The following WWOX variants were observed in gnomAD, a reference collection of about 807,000 sequenced individuals.
The protein encoded by WWOX is WW domain-containing oxidoreductase.
A neutral mutation model predicts 46.2 loss-of-function variants in WWOX; 69 were observed. The observed-to-expected ratio is 1.49, with a 90% CI of 1.23 to 1.82. The LOEUF is 1.82. Ranked by LOEUF, WWOX falls within the 40% of genes most tolerant of loss-of-function variation. The pLI, the probability that WWOX is intolerant of heterozygous loss-of-function variation, is 0.00. For missense variants in WWOX, 919 were observed against 542.6 expected, an observed-to-expected ratio of 1.69 and a Z score of -6.89; for synonymous variants, 359 against 202.6, an observed-to-expected ratio of 1.77 and a Z score of -6.56.
chr16:78,226,884 A>G (rs1301241633), intron 5 of WWOX, among the ~76,000 whole-genome samples: 2 of 152,180 alleles, frequency 1.3e-5, no homozygotes, highest in African/African-American at 4.8e-5. Context: ...GCTTCCAGTA[A>G]ATGCACCCCT....
At chr16:78,210,798 T>C (rs572911927) in intron 5 of WWOX, among the ~76,000 whole-genome samples, 1 of 152,342 alleles carries the variant, frequency 6.6e-6, no homozygotes, top group South Asian at 2.1e-4. Context: ...TACCCAGTTA[T>C]AATTCTCCAA....
At chr16:78,732,190 T>G (rs1202093618) in intron 8 of WWOX, among the ~76,000 whole-genome samples, 2 of 152,074 alleles carry the variant, frequency 1.3e-5, no homozygotes, top group Non-Finnish European at 2.9e-5. Context: ...CTTTACTGAC[T>G]TACTTATTAC....
At chr16:78,502,714 G>A (rs761540936) in intron 8 of WWOX, among the ~76,000 whole-genome samples, 5 of 152,152 alleles carry the variant, frequency 3.3e-5, no homozygotes, top group Non-Finnish European at 7.3e-5. Context: ...TGATGTCTAT[G>A]ACACTGGGCA....
At chr16:78,395,303 G>A (rs1181801432) in intron 6 of WWOX, among the ~76,000 whole-genome samples, 1 of 152,186 alleles carries the variant, frequency 6.6e-6, no homozygotes, top group Non-Finnish European at 1.5e-5. Flanking sequence ...CAGGTTGCTT[G>A]AGTTCCGGAG....
chr16:78,988,483 T>G (rs2046823909), intron 8 of WWOX, among the ~76,000 whole-genome samples: 1 of 152,110 alleles, frequency 6.6e-6, no homozygotes, highest in South Asian at 2.1e-4. Flanking sequence ...AGAAGACTCC[T>G]TGGAAGGAGC....
intron 8 of WWOX, among the ~76,000 whole-genome samples, chr16:79,003,707 T>G (rs2047138515): frequency 6.6e-6 from 1 of 152,180 alleles, no homozygotes; most frequent in South Asian, 2.1e-4. Context: ...CACCGTGGTC[T>G]CAGGGTGATT....
intron 8 of WWOX, among the ~76,000 whole-genome samples, chr16:78,816,177 C>G (rs974476094): frequency 2.0e-5 from 3 of 152,192 alleles, no homozygotes; most frequent in East Asian, 1.9e-4. Flanking sequence ...TGGACCCCCT[C>G]TGATAAACCC....
At chr16:79,089,475 G>T (rs1359982146) in intron 8 of WWOX, among the ~76,000 whole-genome samples, 1 of 151,828 alleles carries the variant, frequency 6.6e-6, no homozygotes, top group Non-Finnish European at 1.5e-5. Flanking sequence ...GGGACTACAG[G>T]CACACGCCAC....
At chr16:78,569,241 C>T (rs959460476) in intron 8 of WWOX, among the ~76,000 whole-genome samples, 21 of 152,118 alleles carry the variant, frequency 1.4e-4, no homozygotes, top group African/African-American at 4.8e-4. Flanking sequence ...AAAGTGCTTC[C>T]TTGTCTCTCT....
chr16:78,561,155 C>A (rs111445672), intron 8 of WWOX, among the ~76,000 whole-genome samples: 52 of 152,236 alleles, frequency 3.4e-4, no homozygotes, highest in African/African-American at 1.2e-3. Flanking sequence ...TGGTGGCTGC[C>A]CTCAGCTCCC....
At chr16:78,750,510 G>A (rs929450743) in intron 8 of WWOX, among the ~76,000 whole-genome samples, 4 of 151,864 alleles carry the variant, frequency 2.6e-5, no homozygotes, top group East Asian at 1.9e-4. Flanking sequence ...TTTCAGTTTC[G>A]GGGGGTACAT....
rs537613622 is a variant in WWOX at position 78,949,559 on chromosome 16, A to G, written c.1057-262049A>G. 1.2e-4 allele frequency among the ~76,000 whole-genome samples: 18 copies of G among 152,322 alleles called. 1 individual carries two copies. The East Asian group carries it at 1.9e-3, about 16-fold the overall frequency. ...CTAATTATTGCTTTTGACCAACCCC[A>G]ACACATAATGCTGTATGTCATGCTG... On this transcript the variant is annotated intron_variant, in intron 8 of 8. Transcript: ENST00000566780.
chr16:78,824,270 C>G (rs1194210801), intron 8 of WWOX, among the ~76,000 whole-genome samples: 1 of 152,236 alleles, frequency 6.6e-6, no homozygotes, highest in Non-Finnish European at 1.5e-5. Flanking sequence ...GAAAGTTTTT[C>G]TAACAATAAA....
intron 8 of WWOX, among the ~76,000 whole-genome samples, chr16:79,131,056 T>G (rs1376088177): frequency 3.3e-5 from 5 of 152,210 alleles, no homozygotes; most frequent in African/African-American, 1.2e-4. Flanking sequence ...ACCAGCAGGC[T>G]TCTCTTTTTT....
intron 8 of WWOX, among the ~76,000 whole-genome samples, chr16:78,865,796 C>G (rs1396770345): frequency 5.9e-5 from 9 of 152,346 alleles, no homozygotes; most frequent in Non-Finnish European, 1.3e-4. Flanking sequence ...AGGAGAATCA[C>G]TTGAACTCGG....
intron 8 of WWOX, among the ~76,000 whole-genome samples, chr16:78,937,286 T>G (rs1002062152): frequency 6.6e-6 from 1 of 152,140 alleles, no homozygotes; most frequent in East Asian, 1.9e-4. Flanking sequence ...CTGTTTACCC[T>G]GATTCTCCAA....
At chr16:78,748,953 G>A (rs755226057) in intron 8 of WWOX, among the ~76,000 whole-genome samples, 10 of 152,196 alleles carry the variant, frequency 6.6e-5, no homozygotes, top group Admixed American at 3.3e-4. Context: ...CTTTATGCCC[G>A]TAGGGCCGTG....
At chr16:78,401,645 C>G (rs909755322) in intron 6 of WWOX, among the ~76,000 whole-genome samples, 1 of 152,122 alleles carries the variant, frequency 6.6e-6, no homozygotes, top group Non-Finnish European at 1.5e-5. Context: ...GTAAAGATTT[C>G]TCAGAGCCCA....
At chr16:78,849,020 A>T (rs1001170164) in intron 8 of WWOX, among the ~76,000 whole-genome samples, 2 of 152,228 alleles carry the variant, frequency 1.3e-5, no homozygotes, top group African/African-American at 2.4e-5. Context: ...GAGCAGCAGT[A>T]GGATGGGTGG....
Sources: allele counts gnomAD v4.1 joint callset (sites outside exome capture counted in the v4.1 genomes callset), GRCh38; gene constraint gnomAD v4.1.1; transcripts MANE v1.5; gene names NCBI Gene and HGNC (gene_info 2026-07-23, HGNC 2026-07-21).